PSMG2: variants seen among roughly 807,000 people sequenced by gnomAD.
The protein encoded by PSMG2 is proteasome assembly chaperone 2.
Under a neutral mutation model 31.5 loss-of-function variants are expected in PSMG2, and 21 were observed. That is an observed-to-expected ratio of 0.67 (90% CI 0.47 to 0.96). The LOEUF (loss-of-function observed/expected upper bound fraction) is 0.96, where lower values mean the gene tolerates loss of function less well. PSMG2 is among the 40% of genes least tolerant of loss of function. PSMG2 has a pLI of 0.00. For synonymous variants in PSMG2, 120 were observed against 110.4 expected (o/e 1.09, Z -0.54); for missense variants, 318 against 321.2 (o/e 0.99, Z 0.08).
chr18:12,710,234 G>A (rs1025115699), intron 2 of PSMG2, among the ~76,000 whole-genome samples: 1 of 152,050 alleles, frequency 6.6e-6, no homozygotes, highest in Non-Finnish European at 1.5e-5. Context: ...GAGCCACCAC[G>A]CCCGCCCCTT....
At chr18:12,699,476 C>T (rs924959461), upstream of PSMG2, among the ~76,000 whole-genome samples, 11 of 152,144 alleles carry the variant, frequency 7.2e-5, no homozygotes, top group African/African-American at 2.7e-4. Context: ...TATACTTTTG[C>T]TTTTTAACTG....
chr18:12,725,466 C>T lies in PSMG2; in HGVS notation c.730C>T (p.Arg244Trp), dbSNP rs761000363. 41 of 1,602,530 alleles carry T rather than the reference C, an allele frequency of 2.6e-5. No homozygotes were observed. The highest frequency in any genetic ancestry group is 1.7e-4 in the Middle Eastern group (1 of 6,056). ...CGATGACCCCACAGTATCTGCCTCA[C>T]GGTGGAAAATACCAAGTTCTTGGAG... ...LSDDPTVSAS[R>W]WKIPSSWRLL... The change falls in exon 7 of 7, where the codon CGG becomes TGG. Residue 244 changes from arginine (R) to tryptophan (W), a missense_variant. Physicochemically the swap from Arg to Trp is moderately radical, Grantham distance 101. Transcript: ENST00000317615.
At chr18:12,688,060 G>GCA (rs1475403889) in intron 1 of PSMG2, among the ~76,000 whole-genome samples, 42 of 151,682 alleles carry the variant, frequency 2.8e-4, no homozygotes, top group African/African-American at 9.2e-4. Context: ...TGGCTAACAT[G>GCA]GTGAAACCCC....
intron 4 of PSMG2, among the ~76,000 whole-genome samples, chr18:12,719,948 C>A (rs916121561): frequency 1.3e-5 from 2 of 151,946 alleles, no homozygotes; most frequent in Non-Finnish European, 2.9e-5. Flanking sequence ...AACTCCTGAC[C>A]TCAGGTGATT....
At chr18:12,715,832 G>A (rs1463597847) in intron 3 of PSMG2, among the ~76,000 whole-genome samples, 1 of 152,212 alleles carries the variant, frequency 6.6e-6, no homozygotes, top group East Asian at 1.9e-4. Flanking sequence ...ATCGAAGTAT[G>A]ACGTACATGA....
intron 1 of PSMG2, among the ~76,000 whole-genome samples, chr18:12,697,570 C>T (rs1014684386): frequency 6.6e-6 from 1 of 152,238 alleles, no homozygotes; most frequent in Non-Finnish European, 1.5e-5. Flanking sequence ...AATACAAGTA[C>T]AGTCCTATTT....
rs1201986880 is a variant in PSMG2 at position 12,676,691 on chromosome 18, G to A, written c.-37+17918G>A. Among the ~76,000 whole-genome samples the A allele has an allele frequency of 2.6e-5, 4 of 152,284 alleles. No homozygotes were observed. In the East Asian group the frequency reaches 7.7e-4, roughly 29 times the overall value. ...AAGTAATAAGGGGCATTCATTTCCAGCAATATAATGGACCAGAGGTCCCCT... is the reference window on the plus strand; with the variant it reads ...AAGTAATAAGGGGCATTCATTTCCAACAATATAATGGACCAGAGGTCCCCT... On this transcript the variant is annotated intron_variant, in intron 1 of 6. Coordinates refer to the PSMG2 transcript ENST00000585331.
At chr18:12,714,146 T>G (rs984975695) in intron 3 of PSMG2, among the ~76,000 whole-genome samples, 11 of 152,266 alleles carry the variant, frequency 7.2e-5, no homozygotes, top group African/African-American at 2.7e-4. Flanking sequence ...ATATCTGTGC[T>G]AATACAGTAG....
intron 1 of PSMG2, among the ~76,000 whole-genome samples, chr18:12,683,682 C>T (rs947698303): frequency 4.0e-5 from 6 of 151,068 alleles, no homozygotes; most frequent in Admixed American, 6.6e-5. Flanking sequence ...ACCCAGGAGA[C>T]GGAGGTTGCA....
At chr18:12,675,920 C>T (rs372289160) in intron 1 of PSMG2, among the ~76,000 whole-genome samples, 12 of 152,154 alleles carry the variant, frequency 7.9e-5, no homozygotes, top group East Asian at 7.7e-4. Flanking sequence ...CCACCCACCT[C>T]GGCCTCCCAA....
chr18:12,717,954 AT>A (rs539025519), intron 3 of PSMG2, among the ~76,000 whole-genome samples: 1 of 149,696 alleles, frequency 6.7e-6, no homozygotes, highest in Admixed American at 6.6e-5. Context: ...ATCACAATAG[AT>A]TTTTTTTGAA....
intron 1 of PSMG2, chr18:12,673,326 C>G (rs1391052613): frequency 1.3e-6 from 2 of 1,563,624 alleles, no homozygotes; most frequent in East Asian, 4.8e-5. Flanking sequence ...TGTAAAATTC[C>G]AATTAAACAC....
chr18:12,675,078 A>ATATTTTGAGG (rs1388909165), intron 1 of PSMG2, among the ~76,000 whole-genome samples: 3 of 58,678 alleles, frequency 5.1e-5, no homozygotes, highest in Non-Finnish European at 1.4e-4. Flanking sequence ...TATAATTCTT[A>ATATTTTGAGG]TATTTTGAGA....
At chr18:12,699,777 C>A, upstream of PSMG2, 5 of 995,988 alleles carry the variant, frequency 5.0e-6, no homozygotes, top group South Asian at 1.7e-5. Flanking sequence ...AAGACTACAC[C>A]ACATCAATAT....
At chr18:12,699,252 G>A, upstream of PSMG2, 1 of 1,269,138 alleles carries the variant, frequency 7.9e-7, no homozygotes, top group Non-Finnish European at 1.1e-6. Flanking sequence ...TAACTTAAAA[G>A]AATGTGATCA....
intron 1 of PSMG2, among the ~76,000 whole-genome samples, chr18:12,688,228 C>CAAA (rs11337170): frequency 9.6e-5 from 9 of 94,002 alleles, no homozygotes; most frequent in East Asian, 3.0e-4. Flanking sequence ...GACTCCATCT[C>CAAA]AAAAAAAAAA....
chr18:12,672,132 T>C (rs2038964344), intron 1 of PSMG2, among the ~76,000 whole-genome samples: 1 of 143,762 alleles, frequency 7.0e-6, no homozygotes, highest in Non-Finnish European at 1.5e-5. Flanking sequence ...TTTTTTTTTC[T>C]GAGATGCAGT....
intron 1 of PSMG2, chr18:12,658,879 A>T: frequency 3.5e-6 from 1 of 286,762 alleles, no homozygotes; most frequent in South Asian, 2.9e-5. Context: ...TGCAGGTGTT[A>T]GTTTTAGCGT....
chr18:12,688,228 C>CAAAAA (rs11337170), intron 1 of PSMG2, among the ~76,000 whole-genome samples: 44 of 93,966 alleles, frequency 4.7e-4, no homozygotes, highest in Non-Finnish European at 6.3e-4. Context: ...GACTCCATCT[C>CAAAAA]AAAAAAAAAA....
Sources: allele counts gnomAD v4.1 joint callset (sites outside exome capture counted in the v4.1 genomes callset), GRCh38; gene constraint gnomAD v4.1.1; transcripts MANE v1.5; gene names NCBI Gene and HGNC (gene_info 2026-07-23, HGNC 2026-07-21).